Variants in KIAA1217 observed in about 807,000 individuals in gnomAD.
KIAA1217 encodes KIAA1217.
KIAA1217 carries 88 observed loss-of-function variants against 163.9 expected under a neutral mutation model. That is an observed-to-expected ratio of 0.54 (90% CI 0.45 to 0.64). The LOEUF (loss-of-function observed/expected upper bound fraction) is 0.64. Ranked by LOEUF, KIAA1217 falls within the 30% of genes least tolerant of loss-of-function variation. The probability of loss-of-function intolerance (pLI) is 0.00; values close to 1 mark genes in which losing one functional copy is unlikely to be tolerated. For synonymous variants in KIAA1217, 903 were observed against 923.1 expected, an observed-to-expected ratio of 0.98 and a Z score of 0.39; for missense variants, 2,372 against 2,475.0, an observed-to-expected ratio of 0.96 and a Z score of 0.88.
At chr10:24,073,070 AAAAG>A (rs566711314) in intron 2 of KIAA1217, among the ~76,000 whole-genome samples, 32 of 151,920 alleles carry the variant, frequency 2.1e-4, no homozygotes, top group African/African-American at 6.3e-4. Context: ...AAAAAAAAAA[AAAAG>A]AAAGAAAGAA....
At chr10:24,375,245 C>T (rs952832096) in intron 2 of KIAA1217, among the ~76,000 whole-genome samples, 2 of 152,082 alleles carry the variant, frequency 1.3e-5, no homozygotes, top group Non-Finnish European at 2.9e-5. Context: ...CAGGTGTGCC[C>T]GATGGAGCTC....
chr10:24,441,583 T>G (rs1175478065), intron 5 of KIAA1217, among the ~76,000 whole-genome samples: 1 of 152,096 alleles, frequency 6.6e-6, no homozygotes, highest in African/African-American at 2.4e-5. Context: ...TCATCTAGCA[T>G]CTAGCTGAGC....
chr10:24,546,350 C>T lies in KIAA1217; in HGVS notation c.*26C>T, dbSNP rs752467028. 7.8e-6 allele frequency: 12 copies of T among 1,546,652 alleles called. No homozygotes were observed. In the East Asian group the frequency reaches 9.0e-5, roughly 12 times the overall value. ...AGGTCAAATCCTATTAGGCACAAGTCGGAGTTACATTTAAAAAAAATTAAC... is the reference window on the plus strand; with the variant it reads ...AGGTCAAATCCTATTAGGCACAAGTTGGAGTTACATTTAAAAAAAATTAAC... On this transcript the variant is annotated 3_prime_UTR_variant, in exon 21 of 21. Coordinates refer to ENST00000376454, the MANE Select transcript of KIAA1217 (RefSeq NM_019590.5).
chr10:24,292,567 A>T (rs887911114), intron 2 of KIAA1217, among the ~76,000 whole-genome samples: 4 of 152,114 alleles, frequency 2.6e-5, no homozygotes, highest in Non-Finnish European at 5.9e-5. Flanking sequence ...ATCTCCTGTT[A>T]CCCTCTGAAA....
intron 6 of KIAA1217, among the ~76,000 whole-genome samples, chr10:24,483,213 A>G (rs948777018): frequency 6.6e-6 from 1 of 152,120 alleles, no homozygotes; most frequent in African/African-American, 2.4e-5. Context: ...GAGCTACTCT[A>G]GTTAAATGAC....
intron 3 of KIAA1217, among the ~76,000 whole-genome samples, chr10:24,416,221 C>T (rs934718704): frequency 3.9e-5 from 6 of 152,250 alleles, no homozygotes; most frequent in African/African-American, 1.4e-4. Flanking sequence ...AAAGTTGTTC[C>T]CCAATATATA....
rs1160613923 is a variant in KIAA1217, at chr10:24,547,591, C to T, written c.*1267C>T. 2.6e-5 allele frequency: 4 copies of T among 152,184 alleles called. No individual in the cohort carries two copies. Among genetic ancestry groups the T allele is most frequent in the African/African-American group, 9.7e-5 (4 of 41,436 alleles). 9.4% of individuals were successfully genotyped at this position (152,184 alleles called of 1,614,324 possible). On this transcript the variant is annotated 3_prime_UTR_variant, in exon 21 of 21. Transcript: ENST00000376454. ...GCTTTGAGGGATGTAACCACATCCACTCAGAGGACACTACTTTTCTGAAAG... is the reference window on the plus strand; with the variant it reads ...GCTTTGAGGGATGTAACCACATCCATTCAGAGGACACTACTTTTCTGAAAG...
At chr10:24,037,374 C>T (rs1241553919) in intron 2 of KIAA1217, among the ~76,000 whole-genome samples, 6 of 152,088 alleles carry the variant, frequency 3.9e-5, no homozygotes, top group Non-Finnish European at 8.8e-5. Context: ...CCTGTAATCC[C>T]AGCTACTCAG....
chr10:24,541,393 G>T (rs968437830), intron 17 of KIAA1217, among the ~76,000 whole-genome samples: 1 of 152,038 alleles, frequency 6.6e-6, no homozygotes, highest in Non-Finnish European at 1.5e-5. Flanking sequence ...ACTTTGCACA[G>T]TATTTGCGTG....
chr10:23,985,582 A>G (rs1186798276), intron 1 of KIAA1217, among the ~76,000 whole-genome samples: 1 of 152,136 alleles, frequency 6.6e-6, no homozygotes, highest in East Asian at 1.9e-4. Flanking sequence ...CTCATCATCA[A>G]CGCTGCATAG....
At chr10:24,170,183 G>A (rs1356746674) in intron 2 of KIAA1217, among the ~76,000 whole-genome samples, 1 of 152,176 alleles carries the variant, frequency 6.6e-6, no homozygotes, top group Non-Finnish European at 1.5e-5. Context: ...CAGCAGTGTT[G>A]AAAAGACTTT....
chr10:24,135,558 C>T (rs1226472283), intron 2 of KIAA1217, among the ~76,000 whole-genome samples: 1 of 151,914 alleles, frequency 6.6e-6, no homozygotes, highest in African/African-American at 2.4e-5. Flanking sequence ...AATGTTATTC[C>T]GGTGTGATCA....
At chr10:23,895,650 C>G (rs1236677206) in intron 1 of KIAA1217, among the ~76,000 whole-genome samples, 2 of 151,896 alleles carry the variant, frequency 1.3e-5, no homozygotes, top group Non-Finnish European at 2.9e-5. Context: ...GGGTATATAC[C>G]CAAAGGACTG....
chr10:23,855,290 A>G (rs1450272343), intron 1 of KIAA1217, among the ~76,000 whole-genome samples: 2 of 152,128 alleles, frequency 1.3e-5, no homozygotes, highest in East Asian at 1.9e-4. Context: ...GTTTGGGTGG[A>G]TATGAAATTC....
chr10:24,235,101 T>G (rs1725393678), intron 2 of KIAA1217, among the ~76,000 whole-genome samples: 1 of 152,196 alleles, frequency 6.6e-6, no homozygotes, highest in African/African-American at 2.4e-5. Flanking sequence ...ACCTCAGTCT[T>G]TGCTTCTAAG....
intron 14 of KIAA1217, among the ~76,000 whole-genome samples, chr10:24,528,738 G>A (rs1289070021): frequency 6.6e-6 from 1 of 151,910 alleles, no homozygotes. Flanking sequence ...CGTTTTCTAT[G>A]CATTTGTGAT....
intron 1 of KIAA1217, among the ~76,000 whole-genome samples, chr10:23,721,152 C>T (rs78886702): frequency 0.054 from 8,261 of 152,212 alleles, 722 homozygotes; most frequent in African/African-American, 0.18. Context: ...TAGCCAGTTT[C>T]CCTGAGCGTG....
chr10:24,487,194 C>T (rs970069208), intron 6 of KIAA1217, among the ~76,000 whole-genome samples: 11 of 152,232 alleles, frequency 7.2e-5, no homozygotes, highest in Non-Finnish European at 1.6e-4. Flanking sequence ...ATTATAAGAA[C>T]TTGTTCTTCC....
chr10:24,002,994 A>G (rs1450811587), intron 1 of KIAA1217, among the ~76,000 whole-genome samples: 2 of 152,278 alleles, frequency 1.3e-5, no homozygotes, highest in Admixed American at 1.3e-4. Context: ...GTTCTTATTT[A>G]TGGCTGATTA....
Sources: gnomAD v4.1 joint callset for allele counts (sites outside exome capture counted in the v4.1 genomes callset) on GRCh38, gnomAD v4.1.1 for gene constraint, MANE v1.5 for transcripts, NCBI Gene and HGNC (gene_info 2026-07-23, HGNC 2026-07-21) for gene names.